The following MYOF variants were observed in gnomAD, a reference collection of about 807,000 sequenced individuals.
The protein encoded by MYOF is fer-1-like 3, myoferlin.
Under a neutral mutation model 284.2 loss-of-function variants are expected in MYOF, and 244 were observed. The observed-to-expected ratio is 0.86, with a 90% CI of 0.77 to 0.95. The LOEUF (loss-of-function observed/expected upper bound fraction) is 0.95. Among genes scored for constraint, MYOF ranks in the 40% least tolerant of loss-of-function variants. MYOF has a pLI of 0.00. For missense variants in MYOF, 2,496 were observed against 2,560.6 expected (o/e 0.97, Z 0.54); for synonymous variants, 904 against 919.7 (o/e 0.98, Z 0.31).
intron 5 of MYOF, among the ~76,000 whole-genome samples, chr10:93,424,665 A>G (rs1311402388): frequency 1.3e-5 from 2 of 152,040 alleles, no homozygotes; most frequent in Non-Finnish European, 2.9e-5. Context: ...CTCACTGGAA[A>G]CTCACAACTA....
intron 46 of MYOF, 150 bp downstream of exon 46, chr10:93,325,676 T>A: frequency 2.8e-6 from 3 of 1,070,128 alleles, no homozygotes; most frequent in East Asian, 2.5e-5. Context: ...TACAAAAAAA[T>A]TCCCTTTTGA....
intron 14 of MYOF, 47 bp downstream of exon 14, chr10:93,397,338 AATT>A: frequency 6.3e-7 from 1 of 1,591,920 alleles, no homozygotes; most frequent in South Asian, 1.1e-5. Flanking sequence ...ATGATTTAGT[AATT>A]ATTAAGTAAG....
chr10:93,373,054 C>T lies in MYOF; in HGVS notation c.2333G>A (p.Trp778Ter), dbSNP rs1437985528. 6.2e-7 allele frequency: 1 copy of T among 1,614,170 alleles called. No homozygotes were observed. The highest frequency in any genetic ancestry group is 1.7e-5 in the Admixed American group (1 of 60,014). The part of the protein sequence containing the change: ...PQNSMPDIII[W>*]MIRGEKRLAY... ...CAGTCTCTTCTCTCCCCGGATCATC[C>T]AGATGATGATGTCAGGCATGCTGTT... The change falls in exon 24 of 54, where the codon TGG becomes TAG. Residue 778 changes from tryptophan (W) to a stop codon, truncating the protein, a stop_gained. Coordinates refer to ENST00000359263, the MANE Select transcript of MYOF (RefSeq NM_013451.4). LOFTEE classifies it high-confidence loss of function.
At chr10:93,379,526 C>T (rs758835329) in intron 21 of MYOF, among the ~76,000 whole-genome samples, 14 of 152,126 alleles carry the variant, frequency 9.2e-5, no homozygotes, top group Non-Finnish European at 2.1e-4. Context: ...TGCATCCTTC[C>T]CTTCAAGAGA....
chr10:93,361,730 C>T (rs936599626), intron 27 of MYOF, among the ~76,000 whole-genome samples, 173 bp from the exon 28 acceptor site: 39 of 152,228 alleles, frequency 2.6e-4, no homozygotes, highest in African/African-American at 9.2e-4. Context: ...TTCACAACTG[C>T]TAAATAAAAA....
At chr10:93,455,642 G>T (rs1477227240) in intron 2 of MYOF, among the ~76,000 whole-genome samples, 1 of 152,136 alleles carries the variant, frequency 6.6e-6, no homozygotes, top group Non-Finnish European at 1.5e-5. Context: ...TCCAACCTGA[G>T]GGAGACCCTA....
At position 93,364,029 on chromosome 10, in the gene MYOF, C is replaced by A; in HGVS notation, c.2800G>T (p.Val934Phe). Residue 934 changes from valine (V) to phenylalanine (F), a missense_variant, in exon 27 of 54, where the codon GTC becomes TTC. By Grantham distance (50) the Val-to-Phe change is conservative. Coordinates refer to ENST00000359263, the MANE Select transcript of MYOF (RefSeq NM_013451.4). ...DAGHTEFTDE[V>F]YQNESRYPGG... ...GGGTAGCGGCTCTCGTTCTGATAGA[C>A]TTCATCAGTGAACTCCGTGTGACCT... 1 of 1,614,198 alleles carries A rather than the reference C, an allele frequency of 6.2e-7. No homozygotes were observed. Among genetic ancestry groups the A allele is most frequent in the Non-Finnish European group, 8.5e-7 (1 of 1,180,040 alleles).
intron 23 of MYOF, among the ~76,000 whole-genome samples, chr10:93,373,563 A>C (rs923290058): frequency 6.6e-6 from 1 of 150,784 alleles, no homozygotes; most frequent in Non-Finnish European, 1.5e-5. Context: ...CCAGAGCTGG[A>C]TATGCAAATG....
chr10:93,315,467 T>C (rs780995256), intron 50 of MYOF, among the ~76,000 whole-genome samples: 2 of 152,042 alleles, frequency 1.3e-5, no homozygotes, highest in Non-Finnish European at 2.9e-5. Flanking sequence ...TGCTTTCGCC[T>C]GGGTGGCTGG....
At position 93,312,927 on chromosome 10, in the gene MYOF, C is replaced by T. The variant is rs919522052; in HGVS notation, c.5889+93G>A. On this transcript the variant is annotated intron_variant, in intron 51 of 53. Coordinates refer to ENST00000359263, the MANE Select transcript of MYOF (RefSeq NM_013451.4). ...AACTCCCACCAATTTAAAACTTCCT[C>T]ATTTTATCTGGAGTAAGTCTATGGA... is the stretch of plus-strand genomic sequence containing the variant. 2.1e-5 allele frequency: 28 copies of T among 1,305,016 alleles called. 1 individual carries two copies. Among genetic ancestry groups the T allele is most frequent in the South Asian group, 1.0e-4 (6 of 58,978 alleles). The allele number at this position is 1,305,016 out of a possible 1,614,324, so 80.8% of individuals were successfully genotyped here.
At chr10:93,462,407 C>T (rs1300699373) in intron 1 of MYOF, among the ~76,000 whole-genome samples, 3 of 152,094 alleles carry the variant, frequency 2.0e-5, no homozygotes, top group Non-Finnish European at 4.4e-5. Flanking sequence ...ATTGAATCCT[C>T]CTGGCAAGCC....
At chr10:93,339,583 C>CCTCAGA (rs2133841874) in intron 39 of MYOF, among the ~76,000 whole-genome samples, 1 of 142,258 alleles carries the variant, frequency 7.0e-6, no homozygotes, top group African/African-American at 3.1e-5. Flanking sequence ...GATTCTCGTG[C>CCTCAGA]CTCAGCCTCC....
intron 39 of MYOF, among the ~76,000 whole-genome samples, chr10:93,339,947 T>C (rs866777850): frequency 1.6e-4 from 25 of 151,956 alleles, no homozygotes; most frequent in Middle Eastern, 3.4e-3. Flanking sequence ...GGCGAGGTGG[T>C]GGGCGCCTGT....
chr10:93,354,350 C>T (rs1307295260), intron 31 of MYOF, among the ~76,000 whole-genome samples: 3 of 152,124 alleles, frequency 2.0e-5, no homozygotes, highest in Non-Finnish European at 4.4e-5. Flanking sequence ...TGCACTCCAG[C>T]CTGGGTGACA....
At chr10:93,315,950 G>A (rs1280800067) in intron 50 of MYOF, among the ~76,000 whole-genome samples, 1 of 148,048 alleles carries the variant, frequency 6.8e-6, no homozygotes, top group Non-Finnish European at 1.5e-5. Context: ...GTGAGACCTC[G>A]TCTGTACTAA....
intron 22 of MYOF, 152 bp from the exon 23 acceptor site, chr10:93,375,107 G>C (rs955529260): frequency 5.0e-5 from 38 of 753,412 alleles, no homozygotes; most frequent in Non-Finnish European, 7.3e-5. Flanking sequence ...GTTTACGCTG[G>C]AGTAGAGTGT....
intron 3 of MYOF, among the ~76,000 whole-genome samples, chr10:93,433,928 G>A (rs760518249): frequency 5.9e-5 from 9 of 152,116 alleles, no homozygotes; most frequent in Non-Finnish European, 1.2e-4. Flanking sequence ...CAGAGACTTG[G>A]CAATATTAAT....
intron 32 of MYOF, among the ~76,000 whole-genome samples, chr10:93,352,961 G>T (rs553893234): frequency 6.6e-6 from 1 of 152,272 alleles, no homozygotes; most frequent in South Asian, 2.1e-4. Context: ...ATTAGTGCTT[G>T]GAACACGCTT....
chr10:93,331,961 T>TA (rs1843327457), intron 43 of MYOF, among the ~76,000 whole-genome samples: 1 of 152,228 alleles, frequency 6.6e-6, no homozygotes, highest in African/African-American at 2.4e-5. Context: ...GGTGATGGCT[T>TA]TGCCACAAAT....
Sources: gnomAD v4.1 joint callset for allele counts (sites outside exome capture counted in the v4.1 genomes callset) on GRCh38, gnomAD v4.1.1 for gene constraint, MANE v1.5 for transcripts, NCBI Gene and HGNC (gene_info 2026-07-23, HGNC 2026-07-21) for gene names.